Variants in TRIM66 observed in about 807,000 individuals in gnomAD.
TRIM66 encodes the protein tripartite motif-containing protein 66.
A neutral mutation model predicts 148.2 loss-of-function variants in TRIM66; 99 were observed. The ratio of observed to expected loss-of-function variants is 0.67; its 90% confidence interval spans 0.57 to 0.79. The LOEUF is 0.79. TRIM66 is among the 30% of genes least tolerant of loss of function. The pLI, the probability that TRIM66 is intolerant of heterozygous loss-of-function variation, is 0.00. For synonymous variants in TRIM66, 616 were observed against 635.9 expected, an observed-to-expected ratio of 0.97 and a Z score of 0.47; for missense variants, 1,666 against 1,697.9, an observed-to-expected ratio of 0.98 and a Z score of 0.33.
chr11:8,626,836 T>A (rs116772812), intron 15 of TRIM66, among the ~76,000 whole-genome samples: 231 of 152,226 alleles, frequency 1.5e-3, no homozygotes, highest in African/African-American at 5.3e-3. Flanking sequence ...AATAACCCTC[T>A]CCTCATTCAC....
intron 21 of TRIM66, 55 bp from the exon 22 acceptor site, chr11:8,620,179 G>T: frequency 6.7e-7 from 1 of 1,493,440 alleles, no homozygotes; most frequent in South Asian, 1.2e-5. Context: ...ACCTCAGTAT[G>T]AACTAAAGAT....
Position 8,622,365 on chromosome 11 carries a change from C to CACACACACACACAT in TRIM66, c.3080+450_3080+451insATGTGTGTGTGTGT. ...ACACACACACACACACACACACACA[C>CACACACACACACAT]ATATATATATATATATATCTCCTAC... On this transcript the variant is annotated intron_variant, in intron 18 of 24. Transcript: ENST00000646038. 5.5e-4 allele frequency among the ~76,000 whole-genome samples: 33 copies of CACACACACACACAT among 59,548 alleles called. 2 individuals carry two copies. Among genetic ancestry groups the CACACACACACACAT allele is most frequent in the Non-Finnish European group, 7.8e-4 (20 of 25,566 alleles). The allele number at this position is 59,548 out of a possible 152,430, so 39.1% of individuals were successfully genotyped here.
chr11:8,618,125 A>T (rs2033849249), intron 24 of TRIM66, 122 bp from the exon 25 acceptor site: 3 of 985,400 alleles, frequency 3.0e-6, no homozygotes, highest in African/African-American at 1.6e-5. Context: ...CTAGGAATGC[A>T]GCAGTAAAAC....
chr11:8,671,673 G>A, intron 6 of TRIM66, 113 bp downstream of exon 6: 1 of 623,638 alleles, frequency 1.6e-6, no homozygotes, highest in East Asian at 2.7e-5. Context: ...AGCAATGAGT[G>A]TCCCTTGGGC....
rs1404171549 is a variant in TRIM66, at chr11:8,640,958, C to A, written c.1417G>T (p.Val473Phe). ...ACCTGGCCTTTGAGGGAAGGCGAGA[C>A]TGGGGAGCAGTGGGAGCAGCACACA... is the stretch of plus-strand genomic sequence containing the variant. ...SSVCCSHCSP[V>F]SPSLKGQVPP... The change falls in exon 14 of 25, where the codon GTC becomes TTC. Residue 473 changes from valine to phenylalanine, a missense_variant. Physicochemically the swap from Val to Phe is conservative, Grantham distance 50. Transcript: ENST00000646038. The A allele has an allele frequency of 2.6e-6, 4 of 1,551,122 alleles. No homozygotes were observed. The highest frequency in any genetic ancestry group is 3.5e-6 in the Non-Finnish European group (4 of 1,146,948).
At chr11:8,638,028 A>G (rs1332150576) in intron 15 of TRIM66, among the ~76,000 whole-genome samples, 1 of 152,166 alleles carries the variant, frequency 6.6e-6, no homozygotes, top group Non-Finnish European at 1.5e-5. Context: ...GGCCTCCAAG[A>G]GCTCATCTTC....
At chr11:8,655,782 C>T (rs2037774830) in intron 6 of TRIM66, among the ~76,000 whole-genome samples, 1 of 148,804 alleles carries the variant, frequency 6.7e-6, no homozygotes, top group South Asian at 2.1e-4. Flanking sequence ...ACTCTGTCTC[C>T]AAAAAAAATT....
chr11:8,627,725 A>C (rs750366269), intron 15 of TRIM66, among the ~76,000 whole-genome samples: 1 of 152,154 alleles, frequency 6.6e-6, no homozygotes, highest in Non-Finnish European at 1.5e-5. Context: ...AATACAATTG[A>C]TTTTTGAATA....
At chr11:8,623,798 A>C (rs1376804545) in intron 17 of TRIM66, among the ~76,000 whole-genome samples, 3 of 152,212 alleles carry the variant, frequency 2.0e-5, no homozygotes, top group African/African-American at 7.2e-5. Flanking sequence ...TATGAGGCAC[A>C]ACACAAATCC....
intron 12 of TRIM66, among the ~76,000 whole-genome samples, chr11:8,644,145 C>T (rs1706507193): frequency 6.6e-6 from 1 of 152,148 alleles, no homozygotes; most frequent in Non-Finnish European, 1.5e-5. Context: ...AAGCCCTGCT[C>T]CTTCAGTCCA....
intron 15 of TRIM66, among the ~76,000 whole-genome samples, chr11:8,635,076 C>A (rs970153790): frequency 1.3e-5 from 2 of 152,214 alleles, no homozygotes; most frequent in Admixed American, 6.5e-5. Flanking sequence ...ACAGGAAAAT[C>A]CAGCAGGTAA....
intron 6 of TRIM66, among the ~76,000 whole-genome samples, chr11:8,655,674 C>T (rs148412655): frequency 2.3e-4 from 35 of 152,030 alleles, no homozygotes; most frequent in Middle Eastern, 3.4e-3. Context: ...ATCCCAGCCT[C>T]GGGAGGCCAA....
chr11:8,621,946 C>T (rs765680051), intron 18 of TRIM66, 127 bp from the exon 19 acceptor site: 2 of 987,744 alleles, frequency 2.0e-6, no homozygotes, highest in Non-Finnish European at 2.8e-6. Flanking sequence ...TTGAAGGATA[C>T]AAAGTATTTA....
intron 10 of TRIM66, 127 bp from the exon 11 acceptor site, chr11:8,646,688 A>G (rs1003526692): frequency 1.5e-6 from 1 of 680,194 alleles, no homozygotes; most frequent in African/African-American, 1.8e-5. Context: ...GACACCAAAT[A>G]CAAAAAAAAG....
chr11:8,625,956 A>G (rs959550174), intron 15 of TRIM66, among the ~76,000 whole-genome samples: 1 of 152,242 alleles, frequency 6.6e-6, no homozygotes, highest in Non-Finnish European at 1.5e-5. Context: ...AGATATTCCA[A>G]ACCAGAGGCA....
At chr11:8,645,570 T>A (rs1168739961) in intron 12 of TRIM66, among the ~76,000 whole-genome samples, 171 bp downstream of exon 12, 1 of 152,246 alleles carries the variant, frequency 6.6e-6, no homozygotes, top group African/African-American at 2.4e-5. Context: ...GTTTACTTAC[T>A]AACCCAAAAG....
In TRIM66 at chr11:8,628,636, A is replaced by AAGAAAAAAAAAAAAAAAGAGAGAG. The variant is rs2035102073; in HGVS notation, c.2311-3409_2311-3408insCTCTCTCTTTTTTTTTTTTTTTCT. ...TCAAAAAAAAAAAAAAAAAAAAAAAAAGAGAGAGAATCCAGATCTTTGGTA... is the reference window on the plus strand; with the variant it reads ...TCAAAAAAAAAAAAAAAAAAAAAAAAAGAAAAAAAAAAAAAAAGAGAGAGAGAGAGAGAATCCAGATCTTTGGTA... On this transcript the variant is annotated intron_variant, in intron 15 of 24. Coordinates refer to ENST00000646038, the MANE Select transcript of TRIM66 (RefSeq NM_001388022.1). Among the ~76,000 whole-genome samples, 2 of 93,340 alleles carry AAGAAAAAAAAAAAAAAAGAGAGAG rather than the reference A, an allele frequency of 2.1e-5. 1 individual carries two copies. Among genetic ancestry groups the AAGAAAAAAAAAAAAAAAGAGAGAG allele is most frequent in the Non-Finnish European group, 4.7e-5 (2 of 42,990 alleles). 61.2% of individuals were successfully genotyped at this position (93,340 alleles called of 152,430 possible). A position where few individuals can be genotyped will look rare whatever the true frequency, so the allele number is the denominator to read the frequency against.
chr11:8,631,303 C>T lies in TRIM66; in HGVS notation c.2311-6075G>A, dbSNP rs184371471. Among the ~76,000 whole-genome samples, 22 of 152,288 alleles carry T rather than the reference C, an allele frequency of 1.4e-4. 1 individual carries two copies. Among genetic ancestry groups the T allele is most frequent in the African/African-American group, 5.3e-4 (22 of 41,550 alleles). ...CTGAGTTTAATATAAATTTCAGGTT[C>T]TTACAGCAAGATAATATTGCTGGGG... is the stretch of plus-strand genomic sequence containing the variant. On this transcript the variant is annotated intron_variant, in intron 15 of 24. Transcript: ENST00000646038.
At chr11:8,620,364 C>A in intron 21 of TRIM66, 82 bp downstream of exon 21, 1 of 1,523,404 alleles carries the variant, frequency 6.6e-7, no homozygotes, top group South Asian at 1.2e-5. Context: ...AGCCCCTCAT[C>A]CCCTCTCAAA....
Sources: gnomAD v4.1 joint callset for allele counts (sites outside exome capture counted in the v4.1 genomes callset) on GRCh38, gnomAD v4.1.1 for gene constraint, MANE v1.5 for transcripts, NCBI Gene and HGNC (gene_info 2026-07-23, HGNC 2026-07-21) for gene names.